PUS7: variants seen among roughly 807,000 people sequenced by gnomAD.
PUS7 encodes pseudouridylate synthase 7 homolog.
PUS7 carries 48 observed loss-of-function variants against 79.8 expected under a neutral mutation model. The ratio of observed to expected loss-of-function variants is 0.60; its 90% CI spans 0.48 to 0.76. The LOEUF (loss-of-function observed/expected upper bound fraction) is 0.76, where lower values mean the gene tolerates loss of function less well. Among genes scored for constraint, PUS7 ranks in the 30% least tolerant of loss-of-function variants. PUS7 has a pLI of 0.00. For missense variants in PUS7, 729 were observed against 797.6 expected (o/e 0.91, Z 1.04); for synonymous variants, 286 against 272.2 (o/e 1.05, Z -0.50).
At position 105,493,828 on chromosome 7, in the gene PUS7, T is replaced by C. The variant is rs188856365; in HGVS notation, c.842+1314A>G. On this transcript the variant is annotated intron_variant, in intron 6 of 15. Coordinates refer to ENST00000469408, the MANE Select transcript of PUS7 (RefSeq NM_019042.5). ...AACAAACTTGCCGACACCTTGAGCT[T>C]GGGACTGTTAGCCTCTAGAAGCATA... 8.5e-5 allele frequency among the ~76,000 whole-genome samples: 13 copies of C among 152,358 alleles called. No individual in the cohort carries two copies. In the East Asian group the frequency reaches 2.5e-3, roughly 29 times the overall value.
At chr7:105,520,236 G>C (rs887553049) in intron 1 of PUS7, among the ~76,000 whole-genome samples, 8 of 152,072 alleles carry the variant, frequency 5.3e-5, no homozygotes, top group Non-Finnish European at 1.2e-4. Flanking sequence ...GAGGCGGGCA[G>C]ATCATGAGGT....
In PUS7 at chr7:105,508,253, T is replaced by C. The variant is rs1825550852; in HGVS notation, c.260A>G (p.Asp87Gly). Residue 87 changes from aspartate to glycine, a missense_variant, in exon 2 of 16, where the codon GAT (aspartate) becomes GGT (glycine). Coordinates refer to ENST00000469408, the MANE Select transcript of PUS7 (RefSeq NM_019042.5). ...CTCCTCGCACTCCTCTGAAAGTCCATCTTCCTCCTCTTCTTCCTCATCTTC... is the reference window on the plus strand; with the variant it reads ...CTCCTCGCACTCCTCTGAAAGTCCACCTTCCTCCTCTTCTTCCTCATCTTC... ...QLEDEEEEEEDGLSEECEEEE... is the reference protein window; with the variant it reads ...QLEDEEEEEEGGLSEECEEEE... 6.2e-7 allele frequency: 1 copy of C among 1,614,156 alleles called. No individual in the cohort carries two copies. The highest frequency in any genetic ancestry group is 8.5e-7 in the Non-Finnish European group (1 of 1,180,016).
intron 1 of PUS7, among the ~76,000 whole-genome samples, chr7:105,521,066 A>G (rs1001075587): frequency 6.6e-6 from 1 of 151,338 alleles, no homozygotes; most frequent in Non-Finnish European, 1.5e-5. Flanking sequence ...AGGAGTTGTT[A>G]AGTACGTACT....
chr7:105,471,170 C>T (rs1043458429), intron 10 of PUS7, among the ~76,000 whole-genome samples: 46 of 152,166 alleles, frequency 3.0e-4, no homozygotes, highest in Non-Finnish European at 5.6e-4. Context: ...TCAAGTTTAA[C>T]GGGTTACTTT....
At chr7:105,505,759 G>T (rs188738021) in intron 4 of PUS7, among the ~76,000 whole-genome samples, 196 bp downstream of exon 4, 170 of 152,128 alleles carry the variant, frequency 1.1e-3, no homozygotes, top group African/African-American at 3.5e-3. Context: ...TGTAACTTTG[G>T]GGGGGGCTAT....
chr7:105,477,849 G>A (rs1824175246), intron 9 of PUS7, among the ~76,000 whole-genome samples: 1 of 151,978 alleles, frequency 6.6e-6, no homozygotes, highest in South Asian at 2.1e-4. Context: ...TGTCATCTAG[G>A]CCACAGTGCA....
intron 5 of PUS7, 53 bp downstream of exon 5, chr7:105,502,367 G>C (rs1825287955): frequency 1.9e-6 from 3 of 1,607,744 alleles, no homozygotes; most frequent in East Asian, 2.2e-5. Flanking sequence ...ACGAGGAGCG[G>C]GGCCTGCCGC....
chr7:105,473,760 G>A (rs1345930074), intron 9 of PUS7, among the ~76,000 whole-genome samples: 1 of 151,786 alleles, frequency 6.6e-6, no homozygotes, highest in Non-Finnish European at 1.5e-5. Flanking sequence ...CACCGTGTTG[G>A]CCAGGATGGT....
chr7:105,492,304 A>G (rs954859184), intron 6 of PUS7, among the ~76,000 whole-genome samples: 1 of 151,512 alleles, frequency 6.6e-6, no homozygotes. Context: ...AAAACAAAAA[A>G]GGTAAATGAT....
At chr7:105,483,379 G>T (rs1244430819) in intron 7 of PUS7, among the ~76,000 whole-genome samples, 1 of 152,030 alleles carries the variant, frequency 6.6e-6, no homozygotes, top group African/African-American at 2.4e-5. Context: ...TGGCCAGGCT[G>T]GTCTTGAACT....
intron 5 of PUS7, among the ~76,000 whole-genome samples, chr7:105,500,151 G>T (rs1825189421): frequency 6.6e-6 from 1 of 152,202 alleles, no homozygotes; most frequent in South Asian, 2.1e-4. Flanking sequence ...ACAAGAGGGA[G>T]TTGATCCAAT....
At chr7:105,488,121 G>A (rs1407941807) in intron 7 of PUS7, among the ~76,000 whole-genome samples, 1 of 152,192 alleles carries the variant, frequency 6.6e-6, no homozygotes, top group Non-Finnish European at 1.5e-5. Context: ...ACAGGAAGAT[G>A]ATAAAGGCAG....
At chr7:105,509,479 CT>C (rs1322820207) in intron 1 of PUS7, among the ~76,000 whole-genome samples, 2 of 151,690 alleles carry the variant, frequency 1.3e-5, no homozygotes, top group Non-Finnish European at 2.9e-5. Context: ...ATACTTTTTT[CT>C]TTTTTTCAGT....
At position 105,514,245 on chromosome 7, in the gene PUS7, AT is replaced by A. The variant is rs1402031271; in HGVS notation, c.-32-5702del. On this transcript the variant is annotated intron_variant, in intron 1 of 15. Transcript: ENST00000469408. ...GACTCCGTCTCAAAAAAAAAAAAAA[AT>A]AGTTATTATGGATGATTTACATAGC... Among the ~76,000 whole-genome samples, 241 of 133,600 alleles carry A rather than the reference AT, an allele frequency of 1.8e-3. 2 individuals carry two copies. Among genetic ancestry groups the A allele is most frequent in the African/African-American group, 6.7e-3 (228 of 34,154 alleles). The allele number at this position is 133,600 out of a possible 152,430, so 87.6% of individuals were successfully genotyped here. A position where few individuals can be genotyped will look rare whatever the true frequency, so the allele number is the denominator to read the frequency against.
intron 9 of PUS7, among the ~76,000 whole-genome samples, chr7:105,475,126 A>C (rs1185758963): frequency 6.6e-6 from 1 of 152,236 alleles, no homozygotes; most frequent in Non-Finnish European, 1.5e-5. Flanking sequence ...TGCCATATTA[A>C]ATATACAGAG....
chr7:105,513,731 G>A (rs1286163311), intron 1 of PUS7, among the ~76,000 whole-genome samples: 6 of 146,506 alleles, frequency 4.1e-5, no homozygotes, highest in Admixed American at 6.8e-5. Context: ...CCAGCTACTC[G>A]GGAGGCTGAG....
chr7:105,511,366 T>C (rs1367151134), intron 1 of PUS7, among the ~76,000 whole-genome samples: 1 of 150,688 alleles, frequency 6.6e-6, no homozygotes, highest in African/African-American at 2.4e-5. Flanking sequence ...TTCCCTGCCA[T>C]AACATCTTTT....
rs763714685 is a variant in PUS7 at position 105,495,100 on chromosome 7, C to T, written c.842+42G>A. 50 of 1,178,390 alleles carry T rather than the reference C, an allele frequency of 4.2e-5. No homozygotes were observed. In the South Asian group the frequency reaches 4.3e-4, roughly 10 times the overall value. 73.0% of individuals were successfully genotyped at this position (1,178,390 alleles called of 1,614,324 possible). On this transcript the variant is annotated intron_variant, in intron 6 of 15. Coordinates refer to ENST00000469408, the MANE Select transcript of PUS7 (RefSeq NM_019042.5). ...AGCATGGAAAAAGGAATATACGTTT[C>T]TGTTGCTTTGATTTTGTATAGGCAT...
At chr7:105,491,404 G>C (rs912984958) in intron 7 of PUS7, 136 bp downstream of exon 7, 2 of 458,480 alleles carry the variant, frequency 4.4e-6, no homozygotes, top group Non-Finnish European at 7.5e-6. Context: ...GAAAAAAACA[G>C]AATGAAAAGT....
Sources: gnomAD v4.1 joint callset for allele counts (sites outside exome capture counted in the v4.1 genomes callset) on GRCh38, gnomAD v4.1.1 for gene constraint, MANE v1.5 for transcripts, NCBI Gene and HGNC (gene_info 2026-07-23, HGNC 2026-07-21) for gene names.